Variants in WDR41 observed in about 807,000 individuals in gnomAD.
The protein encoded by WDR41 is WD repeat-containing protein 41.
A neutral mutation model predicts 69.3 loss-of-function variants in WDR41; 63 were observed. That is an observed-to-expected ratio of 0.91 (90% CI 0.74 to 1.12). The LOEUF is 1.12. Among genes scored for constraint, WDR41 ranks in the 50% most tolerant of loss-of-function variants. The probability of loss-of-function intolerance (pLI) is 0.00; values close to 1 mark genes in which losing one functional copy is unlikely to be tolerated. For synonymous variants in WDR41, 185 were observed against 192.1 expected, an observed-to-expected ratio of 0.96 and a Z score of 0.31; for missense variants, 543 against 534.5, an observed-to-expected ratio of 1.02 and a Z score of -0.16.
intron 1 of WDR41, chr5:77,582,768 C>G: frequency 6.3e-7 from 1 of 1,597,828 alleles, no homozygotes. Flanking sequence ...CTTCGATTAA[C>G]ATGCTGAGGA....
intron 1 of WDR41, among the ~76,000 whole-genome samples, chr5:77,585,951 A>T (rs1426866033): frequency 6.6e-6 from 1 of 152,084 alleles, no homozygotes; most frequent in African/African-American, 2.4e-5. Flanking sequence ...TACCACCTGT[A>T]CCCCAATAAC....
chr5:77,520,533 C>T (rs1367283569), intron 1 of WDR41, among the ~76,000 whole-genome samples: 1 of 152,132 alleles, frequency 6.6e-6, no homozygotes, highest in Non-Finnish European at 1.5e-5. Flanking sequence ...AAGGAGGTGC[C>T]TTATACACTG....
chr5:77,460,154 G>C (rs1236078626), intron 4 of WDR41, among the ~76,000 whole-genome samples: 1 of 152,208 alleles, frequency 6.6e-6, no homozygotes, highest in Non-Finnish European at 1.5e-5. Context: ...TGCATCACTA[G>C]TGTGAGAAAA....
At position 77,538,588 on chromosome 5, in the gene WDR41, G is replaced by T. The variant is rs139246446; in HGVS notation, c.43-49016C>A. 7.4e-3 allele frequency among the ~76,000 whole-genome samples: 1,123 copies of T among 152,252 alleles called. 11 individuals are homozygous for T. Among genetic ancestry groups the T allele is most frequent in the Middle Eastern group, 0.031 (9 of 294 alleles). ...TTCTGTTCCTGCATTAATTCGCTTA[G>T]GATGATGGCCACCAGCTACATCCAT... On this transcript the variant is annotated intron_variant, in intron 1 of 5. Transcript: ENST00000509971.
rs373463605 is a variant in WDR41 at position 77,550,437 on chromosome 5, C to T, written c.43-60865G>A. 1.8e-3 allele frequency among the ~76,000 whole-genome samples: 271 copies of T among 152,188 alleles called. 2 individuals are homozygous for T. The highest frequency in any genetic ancestry group is 6.2e-3 in the African/African-American group (257 of 41,532). On this transcript the variant is annotated intron_variant, in intron 1 of 5. Transcript: ENST00000509971. Reference sequence around the variant, plus strand: ...TTCCCTTTAAAAGATAGGCAAAAGACATGAACAGACACTTCCCAAAAGAAG... The same window carrying T: ...TTCCCTTTAAAAGATAGGCAAAAGATATGAACAGACACTTCCCAAAAGAAG...
At chr5:77,440,059 C>A (rs1392944572) in intron 9 of WDR41, among the ~76,000 whole-genome samples, 2 of 151,928 alleles carry the variant, frequency 1.3e-5, no homozygotes, top group African/African-American at 2.4e-5. Context: ...ATCATATTCT[C>A]CCCCCACTAC....
intron 1 of WDR41, among the ~76,000 whole-genome samples, chr5:77,552,278 CAG>C (rs1223809026): frequency 2.0e-5 from 3 of 151,896 alleles, no homozygotes; most frequent in Non-Finnish European, 2.9e-5. Flanking sequence ...ATTAAAAACA[CAG>C]GGCAATTTAC....
rs539504413 is a variant in WDR41, at chr5:77,435,484, A to C, written c.1227+777T>G. On this transcript the variant is annotated intron_variant, in intron 12 of 12. Transcript: ENST00000296679. ...AACTCCAGCAGCCAGTGTTTAGCAC[A>C]GTGCCTGAAATACAGGAAATGCTCA... Among the ~76,000 whole-genome samples the C allele has an allele frequency of 8.5e-5, 13 of 152,346 alleles. No individual in the cohort carries two copies. In the South Asian group the frequency reaches 2.5e-3, roughly 29 times the overall value.
At chr5:77,455,039 G>A (rs994099310) in intron 5 of WDR41, among the ~76,000 whole-genome samples, 1 of 152,076 alleles carries the variant, frequency 6.6e-6, no homozygotes, top group Non-Finnish European at 1.5e-5. Context: ...TAAGACTGCT[G>A]GGTCAAATGA....
intron 1 of WDR41, among the ~76,000 whole-genome samples, chr5:77,599,286 C>T (rs1017067199): frequency 6.6e-6 from 1 of 150,476 alleles, no homozygotes; most frequent in Admixed American, 6.6e-5. Context: ...CTGCAACCTC[C>T]GCCTCTGGGG....
intron 1 of WDR41, among the ~76,000 whole-genome samples, chr5:77,556,178 G>A (rs544145051): frequency 6.0e-4 from 78 of 130,424 alleles, no homozygotes; most frequent in Non-Finnish European, 9.2e-4. Flanking sequence ...ATCTCGGCCC[G>A]CTGCAACCTC....
At chr5:77,552,674 G>A (rs1279295439) in intron 1 of WDR41, among the ~76,000 whole-genome samples, 1 of 152,168 alleles carries the variant, frequency 6.6e-6, no homozygotes, top group Non-Finnish European at 1.5e-5. Flanking sequence ...TCAAGAGAGT[G>A]TGGTGTGGGC....
intron 2 of WDR41, among the ~76,000 whole-genome samples, chr5:77,476,927 C>G (rs1800963961): frequency 7.0e-6 from 1 of 142,930 alleles, no homozygotes; most frequent in Admixed American, 7.0e-5. Flanking sequence ...TTCAGGAAAT[C>G]CATCTCACGT....
chr5:77,601,809 T>A (rs896277450), intron 1 of WDR41, among the ~76,000 whole-genome samples: 1 of 152,232 alleles, frequency 6.6e-6, no homozygotes, highest in Non-Finnish European at 1.5e-5. Context: ...TGAATCTTTT[T>A]AAAAACCTTT....
intron 1 of WDR41, among the ~76,000 whole-genome samples, chr5:77,619,725 G>A (rs1207085080): frequency 6.6e-6 from 1 of 152,034 alleles, no homozygotes; most frequent in East Asian, 1.9e-4. Flanking sequence ...CTAGAGCTAG[G>A]AAAGGAAAAG....
intron 1 of WDR41, among the ~76,000 whole-genome samples, chr5:77,538,057 C>T (rs896181202): frequency 2.0e-5 from 3 of 151,894 alleles, no homozygotes; most frequent in African/African-American, 7.3e-5. Flanking sequence ...TACATTGTAC[C>T]CTTTAAATAA....
intron 3 of WDR41, among the ~76,000 whole-genome samples, chr5:77,463,617 A>G (rs548188212): frequency 9.8e-5 from 15 of 152,306 alleles, no homozygotes; most frequent in African/African-American, 3.4e-4. Flanking sequence ...ATAGAAGAAA[A>G]TAAAAGTCAC....
intron 1 of WDR41, among the ~76,000 whole-genome samples, chr5:77,562,560 A>G (rs1389475570): frequency 2.6e-5 from 4 of 152,176 alleles, no homozygotes; most frequent in Admixed American, 6.5e-5. Context: ...TTATTTAATG[A>G]TGTCTTCAAC....
upstream of WDR41, among the ~76,000 whole-genome samples, chr5:77,496,681 A>G (rs1351805882): frequency 6.6e-6 from 1 of 152,138 alleles, no homozygotes; most frequent in Non-Finnish European, 1.5e-5. Flanking sequence ...AGATATAAAT[A>G]CTTCCCAAAG....
Sources: allele counts gnomAD v4.1 joint callset (sites outside exome capture counted in the v4.1 genomes callset), GRCh38; gene constraint gnomAD v4.1.1; transcripts MANE v1.5; gene names NCBI Gene and HGNC (gene_info 2026-07-23, HGNC 2026-07-21).